Variants in ZNF141 observed in about 807,000 individuals in gnomAD.
ZNF141 encodes the protein zinc finger protein 141.
A neutral mutation model predicts 11.3 loss-of-function variants in ZNF141; 7 were observed. The observed-to-expected ratio is 0.62, with a 90% CI of 0.35 to 1.16. The LOEUF (loss-of-function observed/expected upper bound fraction) is 1.16, where lower values mean the gene tolerates loss of function less well. Among genes scored for constraint, ZNF141 ranks in the 50% most tolerant of loss-of-function variants. ZNF141 has a pLI of 0.02. For synonymous variants in ZNF141, 183 were observed against 190.7 expected, an observed-to-expected ratio of 0.96 and a Z score of 0.33; for missense variants, 535 against 554.0, an observed-to-expected ratio of 0.97 and a Z score of 0.34.
chr4:362,508 A>G (rs749607139), intron 3 of ZNF141, among the ~76,000 whole-genome samples: 1 of 152,048 alleles, frequency 6.6e-6, no homozygotes, highest in South Asian at 2.1e-4. Flanking sequence ...TTTTATGGTT[A>G]TAGGTCTAAC....
At chr4:369,284 G>C (rs1553853226) in intron 3 of ZNF141, among the ~76,000 whole-genome samples, 1 of 151,954 alleles carries the variant, frequency 6.6e-6, no homozygotes, top group East Asian at 1.9e-4. Flanking sequence ...TGAGCTTTTA[G>C]TTAAAGTATA....
chr4:349,573 C>G (rs1341002356), intron 3 of ZNF141, among the ~76,000 whole-genome samples: 1 of 152,142 alleles, frequency 6.6e-6, no homozygotes, highest in Non-Finnish European at 1.5e-5. Context: ...AGCCCTGTGT[C>G]TGCATTTGAC....
In ZNF141 at chr4:338,001, C is replaced by T. The variant is rs1553847825; in HGVS notation, c.3+15C>T. The T allele has an allele frequency of 1.2e-6, 2 of 1,613,144 alleles. No individual in the cohort carries two copies. The highest frequency in any genetic ancestry group is 2.2e-5 in the East Asian group (1 of 44,846). ...GTGGGGAAATGGTGAGTGTGCGGGG[C>T]AGGGCGTCCCAAGGCTGAGGAGGTC... On this transcript the variant is annotated intron_variant, in intron 1 of 3. Coordinates refer to ENST00000240499, the MANE Select transcript of ZNF141 (RefSeq NM_003441.4).
Position 382,293 on chromosome 4 carries a change from C to T in ZNF141, c.*8431C>T, listed in dbSNP as rs1268445209. On this transcript the variant is annotated 3_prime_UTR_variant, in exon 4 of 4. Coordinates refer to ENST00000240499, the MANE Select transcript of ZNF141 (RefSeq NM_003441.4). Reference sequence around the variant, plus strand: ...TGTGCTCTAGGCACTTGCCCTATAGCTGCTCCTAAATGTGGGGTCTTAGAA... The same window carrying T: ...TGTGCTCTAGGCACTTGCCCTATAGTTGCTCCTAAATGTGGGGTCTTAGAA... 1.3e-5 allele frequency among the ~76,000 whole-genome samples: 2 copies of T among 152,096 alleles called. No individual in the cohort carries two copies. The highest frequency in any genetic ancestry group is 1.3e-4 in the Admixed American group (2 of 15,262).
At chr4:368,956 G>A (rs2108723424) in intron 3 of ZNF141, among the ~76,000 whole-genome samples, 1 of 152,222 alleles carries the variant, frequency 6.6e-6, no homozygotes, top group East Asian at 1.9e-4. Flanking sequence ...ATTGCATTAA[G>A]GAATTTAGAC....
intron 3 of ZNF141, among the ~76,000 whole-genome samples, chr4:363,919 G>A (rs781942275): frequency 5.3e-5 from 8 of 152,144 alleles, no homozygotes; most frequent in African/African-American, 9.6e-5. Context: ...GAATTTTGCC[G>A]AAGGCCTTTT....
chr4:380,922 AAG>A lies in ZNF141; in HGVS notation c.*7064_*7065del. On this transcript the variant is annotated 3_prime_UTR_variant, in exon 4 of 4. Transcript: ENST00000240499. ...TGCAAAACGTATAAAATATACAGAA[AAG>A]AGAAATACTTCCTGTATTTAAACCA... Among the ~76,000 whole-genome samples the A allele has an allele frequency of 6.6e-6, 1 of 152,274 alleles. No homozygotes were observed. Among genetic ancestry groups the A allele is most frequent in the African/African-American group, 2.4e-5 (1 of 41,550 alleles).
intron 3 of ZNF141, among the ~76,000 whole-genome samples, chr4:354,363 T>C (rs1030930895): frequency 1.3e-5 from 2 of 152,244 alleles, no homozygotes; most frequent in South Asian, 2.1e-4. Context: ...ATCAGGTTTC[T>C]ATGAGTTCAA....
chr4:342,949 T>C, intron 1 of ZNF141: 1 of 1,531,908 alleles, frequency 6.5e-7, no homozygotes, highest in East Asian at 2.3e-5. Flanking sequence ...TATCTCCTGA[T>C]CCAAGGCTGA....
At position 375,841 on chromosome 4, in the gene ZNF141, G is replaced by T. The variant is rs1257022730; in HGVS notation, c.*1979G>T. ...CTTTTTCATTAGGTGGGCATTATTT[G>T]TGAATTTTTACAAGAAAGAGTGAGG... On this transcript the variant is annotated 3_prime_UTR_variant, in exon 4 of 4. Coordinates refer to ENST00000240499, the MANE Select transcript of ZNF141 (RefSeq NM_003441.4). Among the ~76,000 whole-genome samples the T allele has an allele frequency of 6.6e-6, 1 of 151,950 alleles. No individual in the cohort carries two copies. The highest frequency in any genetic ancestry group is 1.5e-5 in the Non-Finnish European group (1 of 67,892).
At position 377,807 on chromosome 4, in the gene ZNF141, A is replaced by G. The variant is rs781860840; in HGVS notation, c.*3945A>G. ...AAACATTAATATAAGTGGGTTGTATATTGTACCACCATATGAAGAAACATC... is the reference window on the plus strand; with the variant it reads ...AAACATTAATATAAGTGGGTTGTATGTTGTACCACCATATGAAGAAACATC... On this transcript the variant is annotated 3_prime_UTR_variant, in exon 4 of 4. Transcript: ENST00000240499. Among the ~76,000 whole-genome samples the G allele has an allele frequency of 1.1e-4, 16 of 152,232 alleles. No individual in the cohort carries two copies. Among genetic ancestry groups the G allele is most frequent in the African/African-American group, 1.4e-4 (6 of 41,458 alleles).
Position 337,838 on chromosome 4 carries a change from A to T in ZNF141, c.-146A>T, listed in dbSNP as rs1286688887. ...GGTCTTTGCGTCTGGCTACTACCAG[A>T]CCGCGGGTTAGGGGCTTCATCTCTC... is the stretch of plus-strand genomic sequence containing the variant. On this transcript the variant is annotated 5_prime_UTR_variant, in exon 1 of 4. Coordinates refer to ENST00000240499, the MANE Select transcript of ZNF141 (RefSeq NM_003441.4). The T allele has an allele frequency of 9.3e-7, 1 of 1,080,580 alleles. No homozygotes were observed. Among genetic ancestry groups the T allele is most frequent in the Non-Finnish European group, 1.4e-6 (1 of 721,414 alleles). The allele number at this position is 1,080,580 out of a possible 1,614,324, so 66.9% of individuals were successfully genotyped here. A position where few individuals can be genotyped will look rare whatever the true frequency, so the allele number is the denominator to read the frequency against.
rs978687612 is a variant in ZNF141, at chr4:376,675, C to G, written c.*2813C>G. Among the ~76,000 whole-genome samples, 23 of 151,934 alleles carry G rather than the reference C, an allele frequency of 1.5e-4. No homozygotes were observed. The highest frequency in any genetic ancestry group is 5.6e-4 in the African/African-American group (23 of 41,400). On this transcript the variant is annotated 3_prime_UTR_variant, in exon 4 of 4. Coordinates refer to ENST00000240499, the MANE Select transcript of ZNF141 (RefSeq NM_003441.4). ...TAAATGTGTTGCTGTAAAGATAAAC[C>G]TTAGGTGTAAGAAAATTATAGAGCA...
At position 377,752 on chromosome 4, in the gene ZNF141, T is replaced by A. The variant is rs547605417; in HGVS notation, c.*3890T>A. On this transcript the variant is annotated 3_prime_UTR_variant, in exon 4 of 4. Coordinates refer to ENST00000240499, the MANE Select transcript of ZNF141 (RefSeq NM_003441.4). ...TTGTATGAGATTCTATCATAAAGTG[T>A]GTAAAATGTAACAAAAGTTAGAATA... 8.5e-5 allele frequency among the ~76,000 whole-genome samples: 13 copies of A among 152,322 alleles called. No homozygotes were observed. The highest frequency in any genetic ancestry group is 3.1e-4 in the African/African-American group (13 of 41,570).
intron 3 of ZNF141, among the ~76,000 whole-genome samples, chr4:360,234 A>G (rs1553851950): frequency 2.0e-5 from 3 of 152,126 alleles, no homozygotes; most frequent in East Asian, 1.9e-4. Flanking sequence ...GGAGCCTCCT[A>G]TTCTGCCATC....
At chr4:369,579 A>G (rs1453072941) in intron 3 of ZNF141, among the ~76,000 whole-genome samples, 2 of 150,586 alleles carry the variant, frequency 1.3e-5, no homozygotes, top group African/African-American at 4.9e-5. Context: ...CTGTTTTATA[A>G]ATTGTTTTAC....
At chr4:346,332 A>C (rs1553849490) in intron 3 of ZNF141, among the ~76,000 whole-genome samples, 2 of 152,182 alleles carry the variant, frequency 1.3e-5, no homozygotes, top group African/African-American at 4.8e-5. Flanking sequence ...TTTTCTGATA[A>C]ATAAAAATTA....
intron 3 of ZNF141, among the ~76,000 whole-genome samples, chr4:356,318 T>G (rs1721838595): frequency 6.6e-6 from 1 of 151,780 alleles, no homozygotes; most frequent in African/African-American, 2.4e-5. Flanking sequence ...GCCTCACTTC[T>G]TATTTGTTTG....
intron 3 of ZNF141, among the ~76,000 whole-genome samples, chr4:369,754 ATATATATATATTTTT>A (rs1368860780): frequency 1.4e-4 from 5 of 35,496 alleles, no homozygotes; most frequent in Non-Finnish European, 2.5e-4. Flanking sequence ...ATATATATAT[ATATATATATATTTTT>A]TTTTTTTTTT....
Sources: gnomAD v4.1 joint callset for allele counts (sites outside exome capture counted in the v4.1 genomes callset) on GRCh38, gnomAD v4.1.1 for gene constraint, MANE v1.5 for transcripts, NCBI Gene and HGNC (gene_info 2026-07-23, HGNC 2026-07-21) for gene names.